Variants in ABHD8 observed in about 807,000 individuals in gnomAD.
ABHD8 encodes protein ABHD8.
ABHD8 carries 10 observed loss-of-function variants against 29.3 expected under a neutral mutation model. That is an observed-to-expected ratio of 0.34 (90% confidence interval 0.21 to 0.58). The LOEUF is 0.58. Ranked by LOEUF, ABHD8 falls within the 20% of genes least tolerant of loss-of-function variation. The pLI is 0.85. For synonymous variants in ABHD8, 282 were observed against 274.6 expected (o/e 1.03, Z -0.27); for missense variants, 556 against 615.3 (o/e 0.90, Z 1.02).
intron 4 of ABHD8, 106 bp from the exon 5 acceptor site, chr19:17,292,937 C>T: frequency 5.5e-6 from 7 of 1,276,984 alleles, no homozygotes; most frequent in Non-Finnish European, 7.4e-6. Flanking sequence ...ATCCAAAAGT[C>T]CCTCCTCCCA....
Position 17,301,226 on chromosome 19 carries a change from A to G in ABHD8, c.391T>C (p.Leu131=). 6.3e-7 allele frequency: 1 copy of G among 1,593,820 alleles called. No individual in the cohort carries two copies. Among genetic ancestry groups the G allele is most frequent in the South Asian group, 1.1e-5 (1 of 89,546 alleles). ...CCGCTGCCTGCGCTGCCGGGGGCCA[A>G]GCGGCCATCGCTGCCCGCCGGATCT... is the stretch of plus-strand genomic sequence containing the variant. The part of the protein sequence containing the change: ...LADPAGSDGR[L]APGSAGSGSG... The change falls in exon 2 of 5, where the codon TTG becomes CTG. Residue 131 remains leucine, a synonymous_variant. Transcript: ENST00000247706.
chr19:17,296,466 A>T (rs2074094215), intron 2 of ABHD8: 1 of 152,144 alleles, frequency 6.6e-6, no homozygotes, highest in African/African-American at 2.4e-5. Flanking sequence ...AGGGGAGGTC[A>T]CTGTTTCCTA....
rs558941471 is a variant in ABHD8, at chr19:17,292,264, T to A, written c.*397A>T. On this transcript the variant is annotated 3_prime_UTR_variant, in exon 5 of 5. Coordinates refer to ENST00000247706, the MANE Select transcript of ABHD8 (RefSeq NM_024527.5). ...AATGGGGGGTAGGAAGGGTCTCGGA[T>A]AACGGGATGGGGCCTCGAGGGTCCC... 2.1e-4 allele frequency: 59 copies of A among 281,766 alleles called. No individual in the cohort carries two copies. The highest frequency in any genetic ancestry group is 1.3e-3 in the African/African-American group (58 of 45,274). 17.5% of individuals were successfully genotyped at this position (281,766 alleles called of 1,614,324 possible). A position where few individuals can be genotyped will look rare whatever the true frequency, so the allele number is the denominator to read the frequency against.
chr19:17,295,262 C>T (rs999012465), intron 2 of ABHD8, among the ~76,000 whole-genome samples: 3 of 151,930 alleles, frequency 2.0e-5, no homozygotes, highest in African/African-American at 7.3e-5. Context: ...CCCGCCACCG[C>T]GCCCGGCTAA....
chr19:17,295,762 C>A (rs1448812495), intron 2 of ABHD8, among the ~76,000 whole-genome samples: 2 of 152,128 alleles, frequency 1.3e-5, no homozygotes, highest in Non-Finnish European at 2.9e-5. Flanking sequence ...TGGAGTGGTG[C>A]GGTGGCGTAA....
intron 1 of ABHD8, chr19:17,302,835 G>C (rs2074126909): frequency 6.6e-6 from 1 of 152,222 alleles, no homozygotes; most frequent in African/African-American, 2.4e-5. Flanking sequence ...ACCTAAGGGG[G>C]GGATACCCGA....
In ABHD8 at chr19:17,297,453, A is replaced by G. The variant is rs184906204; in HGVS notation, c.762-2608T>C. Among the ~76,000 whole-genome samples, 163 of 151,732 alleles carry G rather than the reference A, an allele frequency of 1.1e-3. 1 individual carries two copies. Among genetic ancestry groups the G allele is most frequent in the Non-Finnish European group, 1.7e-3 (113 of 67,894 alleles). ...TGGGATTATAGGCACCTGCAACCAT[A>G]CCCAGCTACTTTTTGTATTTTTATT... On this transcript the variant is annotated intron_variant, in intron 2 of 4. Transcript: ENST00000247706.
intron 2 of ABHD8, among the ~76,000 whole-genome samples, chr19:17,298,582 T>C (rs1368195182): frequency 1.3e-5 from 2 of 152,086 alleles, no homozygotes; most frequent in East Asian, 3.8e-4. Context: ...GCTTGGCAAC[T>C]ACTGAAGACA....
Position 17,301,698 on chromosome 19 carries a change from G to A in ABHD8, c.-8-74C>T, listed in dbSNP as rs141225960. ...CTGCACCGTGCAGCAGGCACTCCCT[G>A]AGCCTTGGGAGAACTGTTTTAGACT... On this transcript the variant is annotated intron_variant, in intron 1 of 4. Transcript: ENST00000247706. 1,323 of 1,427,308 alleles carry A rather than the reference G, an allele frequency of 9.3e-4. 7 individuals carry two copies. In the African/African-American group the frequency reaches 0.013, roughly 14 times the overall value. 88.4% of individuals were successfully genotyped at this position (1,427,308 alleles called of 1,614,324 possible). A position where few individuals can be genotyped will look rare whatever the true frequency, so the allele number is the denominator to read the frequency against.
In ABHD8 at chr19:17,292,606, G is replaced by C. The variant is rs991771727; in HGVS notation, c.*55C>G. On this transcript the variant is annotated 3_prime_UTR_variant, in exon 5 of 5. Transcript: ENST00000247706. ...TGCGCTGCAGACCTGGCGCAGGCTC[G>C]GGCCTCCTCCTGCTGCGGCTGTGCT... is the stretch of plus-strand genomic sequence containing the variant. 3.3e-6 allele frequency: 5 copies of C among 1,529,202 alleles called. No individual in the cohort carries two copies. The highest frequency in any genetic ancestry group is 2.4e-5 in the East Asian group (1 of 42,050). 94.7% of individuals were successfully genotyped at this position (1,529,202 alleles called of 1,614,324 possible).
chr19:17,299,900 G>GC (rs200754881), intron 2 of ABHD8, among the ~76,000 whole-genome samples: 1 of 141,470 alleles, frequency 7.1e-6, no homozygotes, highest in African/African-American at 2.5e-5. Context: ...GCGCGTGGTG[G>GC]CCCCTTTTTT....
chr19:17,294,229 C>T (rs2074083257), intron 4 of ABHD8, 59 bp downstream of exon 4: 12 of 1,561,020 alleles, frequency 7.7e-6, no homozygotes, highest in Admixed American at 1.7e-5. Context: ...GAGGCCACGC[C>T]CCTCCCGGGC....
At chr19:17,300,500 C>CA (rs1018697483) in intron 2 of ABHD8, among the ~76,000 whole-genome samples, 3 of 151,962 alleles carry the variant, frequency 2.0e-5, no homozygotes, top group African/African-American at 7.3e-5. Context: ...AGTGGCATCT[C>CA]AGAGTCTCCC....
intron 2 of ABHD8, chr19:17,297,781 G>A (rs2074100030): frequency 6.9e-6 from 1 of 145,968 alleles, no homozygotes; most frequent in African/African-American, 2.5e-5. Context: ...TTTTTGTAGA[G>A]ATGAGATCTT....
intron 1 of ABHD8, among the ~76,000 whole-genome samples, chr19:17,302,611 A>C (rs1034236847): frequency 7.2e-5 from 11 of 152,172 alleles, no homozygotes; most frequent in Non-Finnish European, 1.5e-5. Flanking sequence ...TCTGTTTCAT[A>C]GAGGGCCAAG....
chr19:17,292,659 G>C lies in ABHD8; in HGVS notation c.*2C>G, dbSNP rs144620092. 2.5e-6 allele frequency: 4 copies of C among 1,607,662 alleles called. No individual in the cohort carries two copies. Among genetic ancestry groups the C allele is most frequent in the South Asian group, 1.1e-5 (1 of 90,426 alleles). ...CCAAGCGATGCCCCGCCGGCCCAGC[G>C]GCTACTTCTTGTCTTCTGGAGGCGC... On this transcript the variant is annotated 3_prime_UTR_variant, in exon 5 of 5. Transcript: ENST00000247706.
At chr19:17,297,744 C>CTTTTTTTTTTTTTTT (rs71334702) in intron 2 of ABHD8, 1 of 130,264 alleles carries the variant, frequency 7.7e-6, no homozygotes, top group Non-Finnish European at 1.7e-5. Context: ...GTTTTCTTTT[C>CTTTTTTTTTTTTTTT]TTTTTTTTTT....
chr19:17,296,586 T>G (rs1393465178), intron 2 of ABHD8: 1 of 152,184 alleles, frequency 6.6e-6, no homozygotes, highest in East Asian at 1.9e-4. Flanking sequence ...AGCTCCTCAT[T>G]CCTACAAAAG....
At chr19:17,298,688 A>AAAAAT (rs1475466084) in intron 2 of ABHD8, among the ~76,000 whole-genome samples, 3 of 152,028 alleles carry the variant, frequency 2.0e-5, no homozygotes, top group South Asian at 4.2e-4. Context: ...CTCACAGAAA[A>AAAAAT]AAAATAACCT....
Sources: gnomAD v4.1 joint callset for allele counts (sites outside exome capture counted in the v4.1 genomes callset) on GRCh38, gnomAD v4.1.1 for gene constraint, MANE v1.5 for transcripts, NCBI Gene and HGNC (gene_info 2026-07-23, HGNC 2026-07-21) for gene names.